Variants in MACF1 observed in about 807,000 individuals in gnomAD.
MACF1 encodes microtubule-actin cross-linking factor 1.
MACF1 carries 193 observed loss-of-function variants against 854.8 expected under a neutral mutation model. The ratio of observed to expected loss-of-function variants is 0.23; its 90% confidence interval spans 0.20 to 0.25. MACF1 has a LOEUF of 0.25. Among genes scored for constraint, MACF1 ranks in the 10% least tolerant of loss-of-function variants. MACF1 has a pLI of 1.00. For synonymous variants in MACF1, 3,185 were observed against 3,226.7 expected, an observed-to-expected ratio of 0.99 and a Z score of 0.44; for missense variants, 7,722 against 8,929.1, an observed-to-expected ratio of 0.86 and a Z score of 5.45.
intron 2 of MACF1, among the ~76,000 whole-genome samples, chr1:39,194,446 C>T (rs1017154596): frequency 5.5e-5 from 8 of 146,758 alleles, no homozygotes; most frequent in Admixed American, 4.1e-4. Context: ...CTCCACCTCC[C>T]GGGCTCAAGG....
At chr1:39,239,288 CAAACAAA>C (rs1237998314) in intron 2 of MACF1, among the ~76,000 whole-genome samples, 27 of 24,072 alleles carry the variant, frequency 1.1e-3, no homozygotes, top group Non-Finnish European at 1.4e-3. Flanking sequence ...CTCAAAAAAA[CAAACAAA>C]CAAACAAACA....
intron 1 of MACF1, among the ~76,000 whole-genome samples, chr1:39,220,260 C>T (rs981588710): frequency 6.6e-6 from 1 of 151,950 alleles, no homozygotes; most frequent in Non-Finnish European, 1.5e-5. Flanking sequence ...GCAACCTCTG[C>T]CTCCCAGGTT....
chr1:39,382,412 A>G (rs1034533338), intron 56 of MACF1, among the ~76,000 whole-genome samples: 2 of 152,018 alleles, frequency 1.3e-5, no homozygotes, highest in African/African-American at 2.4e-5. Flanking sequence ...GTGGAATTAC[A>G]TTTTACTTTT....
At chr1:39,459,988 C>T (rs980311695) in intron 91 of MACF1, among the ~76,000 whole-genome samples, 1 of 152,172 alleles carries the variant, frequency 6.6e-6, no homozygotes, top group African/African-American at 2.4e-5. Flanking sequence ...GAGTGTATAT[C>T]ATTAACGTAG....
intron 71 of MACF1, 70 bp downstream of exon 71, chr1:39,438,078 C>T (rs1644018820): frequency 7.4e-7 from 1 of 1,352,194 alleles, no homozygotes; most frequent in Non-Finnish European, 1.0e-6. Context: ...TCTTCAGCAT[C>T]CCACCAGATT....
At chr1:39,478,530 C>A (rs1282750871) in intron 97 of MACF1, among the ~76,000 whole-genome samples, 1 of 152,096 alleles carries the variant, frequency 6.6e-6, no homozygotes, top group Non-Finnish European at 1.5e-5. Flanking sequence ...TTTTGGTATC[C>A]AAGTGAGTGC....
At chr1:39,389,160 G>A (rs1010235664) in intron 58 of MACF1, among the ~76,000 whole-genome samples, 1 of 151,676 alleles carries the variant, frequency 6.6e-6, no homozygotes, top group African/African-American at 2.4e-5. Context: ...ACAGGCATGA[G>A]CCATCACGCC....
At chr1:39,468,798 A>C in intron 96 of MACF1, 66 bp downstream of exon 96, 1 of 1,378,460 alleles carries the variant, frequency 7.3e-7, no homozygotes, top group Non-Finnish European at 1.0e-6. Context: ...TTTTATGCTT[A>C]CAGGAAGCAT....
chr1:39,157,473 G>A (rs1643715690), intron 2 of MACF1, among the ~76,000 whole-genome samples: 1 of 152,224 alleles, frequency 6.6e-6, no homozygotes, highest in Admixed American at 6.5e-5. Flanking sequence ...TGTGAGCCAG[G>A]TTGTCTGAAA....
chr1:39,192,656 T>G (rs1047581389), intron 2 of MACF1, among the ~76,000 whole-genome samples: 1 of 152,206 alleles, frequency 6.6e-6, no homozygotes, highest in African/African-American at 2.4e-5. Context: ...AACTTAGTCT[T>G]CTGTGTCTAT....
chr1:39,381,195 T>C (rs1650159379), intron 55 of MACF1, among the ~76,000 whole-genome samples: 2 of 151,940 alleles, frequency 1.3e-5, no homozygotes, highest in Admixed American at 1.3e-4. Context: ...GTAGCTGGCA[T>C]TGCAGGCATG....
intron 22 of MACF1, among the ~76,000 whole-genome samples, chr1:39,302,278 G>A (rs185728212): frequency 3.3e-5 from 5 of 152,340 alleles, no homozygotes; most frequent in African/African-American, 9.6e-5. Flanking sequence ...GATTATAGGT[G>A]TGAGCTGCTG....
At chr1:39,288,274 G>A (rs963259816) in intron 15 of MACF1, among the ~76,000 whole-genome samples, 1 of 152,066 alleles carries the variant, frequency 6.6e-6, no homozygotes, top group African/African-American at 2.4e-5. Flanking sequence ...CTAGGCGGGT[G>A]GATCACAAGC....
chr1:39,464,348 A>C (rs1644617467), intron 94 of MACF1: 2 of 153,064 alleles, frequency 1.3e-5, no homozygotes, highest in Non-Finnish European at 1.5e-5. Context: ...TTTAGATTGC[A>C]CTAAGAAACA....
intron 58 of MACF1, among the ~76,000 whole-genome samples, chr1:39,398,015 G>A (rs1274146425): frequency 6.6e-6 from 1 of 152,010 alleles, no homozygotes; most frequent in East Asian, 1.9e-4. Flanking sequence ...TAACTTGTTC[G>A]AGCCACATAG....
At position 39,084,590 on chromosome 1, in the gene MACF1, G is replaced by A. The variant is rs928010742; in HGVS notation, c.220+152G>A. ...TTGTTATTATTATTCTTGGAAAGAC[G>A]TTGAAATAACATTAACGAAAAACTC... is the stretch of plus-strand genomic sequence containing the variant. On this transcript the variant is annotated intron_variant, in intron 2 of 93. Transcript: ENST00000361689. This position sits in a 1 kb window ranked among gnomAD's most constrained non-coding sequence, Gnocchi z 5.2. The A allele has an allele frequency of 2.3e-5, 16 of 708,786 alleles. No individual in the cohort carries two copies. The highest frequency in any genetic ancestry group is 1.3e-4 in the African/African-American group (7 of 55,762). The allele number at this position is 708,786 out of a possible 1,614,324, so 43.9% of individuals were successfully genotyped here. A position where few individuals can be genotyped will look rare whatever the true frequency, so the allele number is the denominator to read the frequency against.
intron 2 of MACF1, among the ~76,000 whole-genome samples, chr1:39,194,309 G>C (rs1318801100): frequency 6.7e-6 from 1 of 149,416 alleles, no homozygotes; most frequent in Admixed American, 6.7e-5. Flanking sequence ...GGGATTTCCA[G>C]AAGTGGAATT....
chr1:39,307,565 G>A (rs1416472429), intron 23 of MACF1, among the ~76,000 whole-genome samples: 2 of 151,758 alleles, frequency 1.3e-5, no homozygotes, highest in African/African-American at 4.8e-5. Flanking sequence ...GTTTTTTCTT[G>A]GATGATGATG....
At chr1:39,344,191 C>T (rs1288776926) in intron 40 of MACF1, among the ~76,000 whole-genome samples, 6 of 151,688 alleles carry the variant, frequency 4.0e-5, no homozygotes, top group Non-Finnish European at 8.8e-5. Flanking sequence ...CTTTGGGAGG[C>T]GAAGGCGGGA....
Sources: allele counts gnomAD v4.1 joint callset (sites outside exome capture counted in the v4.1 genomes callset), GRCh38; gene constraint gnomAD v4.1.1; non-coding constraint Gnocchi (gnomAD v3.1); transcripts MANE v1.5; gene names NCBI Gene and HGNC (gene_info 2026-07-23, HGNC 2026-07-21).